Variants in UBE2U observed in about 807,000 individuals in gnomAD.
UBE2U encodes the protein ubiquitin-conjugating enzyme E2 U.
UBE2U carries 39 observed loss-of-function variants against 41.2 expected under a neutral mutation model. The ratio of observed to expected loss-of-function variants is 0.95; its 90% CI spans 0.73 to 1.24. The LOEUF (loss-of-function observed/expected upper bound fraction) is 1.24, where lower values mean the gene tolerates loss of function less well. Ranked by LOEUF, UBE2U falls within the 50% of genes most tolerant of loss-of-function variation. The pLI, the probability that UBE2U is intolerant of heterozygous loss-of-function variation, is 0.00. For missense variants in UBE2U, 336 were observed against 363.1 expected, an observed-to-expected ratio of 0.93 and a Z score of 0.61; for synonymous variants, 107 against 117.8, an observed-to-expected ratio of 0.91 and a Z score of 0.60.
intron 9 of UBE2U, among the ~76,000 whole-genome samples, chr1:64,265,318 G>T (rs1645239883): frequency 6.6e-6 from 1 of 152,134 alleles, no homozygotes; most frequent in South Asian, 2.1e-4. Flanking sequence ...GGTTGACTTG[G>T]CTTTATATTT....
At chr1:64,264,946 G>A (rs1447972722) in intron 9 of UBE2U, among the ~76,000 whole-genome samples, 1 of 151,638 alleles carries the variant, frequency 6.6e-6, no homozygotes, top group Admixed American at 6.6e-5. Context: ...GTGAAACCCT[G>A]CCTCAAAAAA....
intron 9 of UBE2U, among the ~76,000 whole-genome samples, chr1:64,262,542 G>A (rs1268178668): frequency 6.6e-6 from 1 of 152,116 alleles, no homozygotes. Context: ...CCTGGCTTCT[G>A]GCTGGGTATA....
chr1:64,212,174 A>T (rs1056631283), intron 4 of UBE2U, among the ~76,000 whole-genome samples: 1 of 152,180 alleles, frequency 6.6e-6, no homozygotes, highest in Non-Finnish European at 1.5e-5. Context: ...CAAAAAATTT[A>T]AGGGAGTGAG....
At chr1:64,220,770 A>T in intron 5 of UBE2U, 89 bp from the exon 6 acceptor site, 1 of 984,468 alleles carries the variant, frequency 1.0e-6, no homozygotes. Context: ...CTTTATTACC[A>T]TTTTATTGAG....
intron 9 of UBE2U, 64 bp from the exon 10 acceptor site, chr1:64,266,960 T>C (rs1309550065): frequency 7.0e-7 from 1 of 1,435,128 alleles, no homozygotes; most frequent in Non-Finnish European, 9.4e-7. Context: ...CAGGAACACT[T>C]CTCTTTTTAT....
chr1:64,266,577 C>T (rs1387970953), intron 9 of UBE2U, among the ~76,000 whole-genome samples: 1 of 152,188 alleles, frequency 6.6e-6, no homozygotes, highest in East Asian at 1.9e-4. Context: ...CACCCCTAAC[C>T]CTGTCAAGTC....
At chr1:64,255,822 C>G (rs889505726) in intron 8 of UBE2U, among the ~76,000 whole-genome samples, 1 of 151,854 alleles carries the variant, frequency 6.6e-6, no homozygotes, top group Non-Finnish European at 1.5e-5. Context: ...AGGGAGTTAT[C>G]TTCAAATTAT....
intron 5 of UBE2U, 106 bp downstream of exon 5, chr1:64,215,038 G>T (rs1651905123): frequency 1.3e-6 from 1 of 761,942 alleles, no homozygotes; most frequent in African/African-American, 1.7e-5. Flanking sequence ...TTCGAGACCA[G>T]CCTGACCAAC....
Position 64,242,924 on chromosome 1 carries a change from T to A in UBE2U, c.677+1191T>A, listed in dbSNP as rs116524235. Among the ~76,000 whole-genome samples, 438 of 152,314 alleles carry A rather than the reference T, an allele frequency of 2.9e-3. 2 individuals carry two copies. Among genetic ancestry groups the A allele is most frequent in the African/African-American group, 9.9e-3 (413 of 41,574 alleles). Reference sequence around the variant, plus strand: ...TGACGTGACTTCCTTTTTTATTTCCTTTAACAGAACTGTTTTATTTGTTTG... The same window carrying A: ...TGACGTGACTTCCTTTTTTATTTCCATTAACAGAACTGTTTTATTTGTTTG... On this transcript the variant is annotated intron_variant, in intron 8 of 9. Coordinates refer to ENST00000371077, the MANE Select transcript of UBE2U (RefSeq NM_001366232.2).
At chr1:64,206,163 A>G (rs536231083) in intron 2 of UBE2U, among the ~76,000 whole-genome samples, 9 of 152,334 alleles carry the variant, frequency 5.9e-5, no homozygotes, top group African/African-American at 2.2e-4. Flanking sequence ...CTAAGCCACT[A>G]TAAACTTTAA....
chr1:64,206,667 A>G, intron 2 of UBE2U, 97 bp from the exon 3 acceptor site: 1 of 717,664 alleles, frequency 1.4e-6, no homozygotes, highest in South Asian at 2.0e-5. Context: ...AAAACTGTGG[A>G]AAGACTAAAC....
intron 1 of UBE2U, 142 bp downstream of exon 1, chr1:64,204,258 C>A: frequency 1.6e-6 from 1 of 613,282 alleles, no homozygotes; most frequent in Non-Finnish European, 2.8e-6. Flanking sequence ...ATCCATTTCA[C>A]TGAAGTAATG....
chr1:64,253,580 C>CA (rs1302675738), intron 8 of UBE2U, among the ~76,000 whole-genome samples: 1 of 151,972 alleles, frequency 6.6e-6, no homozygotes, highest in Non-Finnish European at 1.5e-5. Flanking sequence ...AGAAACCCTA[C>CA]AAACTGGAAG....
chr1:64,203,729 C>T lies in UBE2U; in HGVS notation c.-322C>T, dbSNP rs892131681. On this transcript the variant is annotated 5_prime_UTR_variant, in exon 1 of 10. Coordinates refer to ENST00000371077, the MANE Select transcript of UBE2U (RefSeq NM_001366232.2). ...ACACCTCTCACTCCCACTCACGCGC[C>T]GACGACATGGGCTTGTCTCCGTTAC... The T allele has an allele frequency of 4.1e-6, 1 of 246,646 alleles. No individual in the cohort carries two copies. The highest frequency in any genetic ancestry group is 7.7e-6 in the Non-Finnish European group (1 of 129,324). 15.3% of individuals were successfully genotyped at this position (246,646 alleles called of 1,614,324 possible).
At chr1:64,219,221 T>C (rs562767940) in intron 5 of UBE2U, among the ~76,000 whole-genome samples, 1 of 152,344 alleles carries the variant, frequency 6.6e-6, no homozygotes, top group South Asian at 2.1e-4. Flanking sequence ...TAGTTTTCTT[T>C]CCAAATCGTA....
At position 64,236,667 on chromosome 1, in the gene UBE2U, ATGTT is replaced by A. The variant is rs1644673580; in HGVS notation, c.595+4025_595+4028del. On this transcript the variant is annotated intron_variant, in intron 7 of 9. Transcript: ENST00000371077. ...TTTAATACTGAGCCTAGGCTTCCTG[ATGTT>A]TGTTTGCTGTCATCAAGACAGACCA... is the stretch of plus-strand genomic sequence containing the variant. Among the ~76,000 whole-genome samples, 9 of 152,282 alleles carry A rather than the reference ATGTT, an allele frequency of 5.9e-5. No homozygotes were observed. The South Asian group carries it at 1.9e-3, about 32-fold the overall frequency.
Position 64,233,738 on chromosome 1 carries a change from A to G in UBE2U, c.595+1089A>G, listed in dbSNP as rs141459966. ...CTGGACAACTTTCCGGTTCCATTTA[A>G]CTGGATCTTTAGAGTACTATTTCAT... On this transcript the variant is annotated intron_variant, in intron 7 of 9. Coordinates refer to ENST00000371077, the MANE Select transcript of UBE2U (RefSeq NM_001366232.2). Among the ~76,000 whole-genome samples the G allele has an allele frequency of 1.2e-3, 190 of 152,296 alleles. 3 individuals carry two copies. The highest frequency in any genetic ancestry group is 0.01 in the Admixed American group (153 of 15,288).
chr1:64,235,884 G>T (rs2100411558), intron 7 of UBE2U, among the ~76,000 whole-genome samples: 1 of 152,138 alleles, frequency 6.6e-6, no homozygotes, highest in East Asian at 1.9e-4. Context: ...TATATGTCGT[G>T]CACGGTGGTA....
intron 3 of UBE2U, among the ~76,000 whole-genome samples, chr1:64,209,319 C>CT (rs897048973): frequency 2.0e-5 from 3 of 151,404 alleles, no homozygotes; most frequent in African/African-American, 2.4e-5. Flanking sequence ...TGTGACTGCT[C>CT]TTTTTTTTTC....
Sources: allele counts gnomAD v4.1 joint callset (sites outside exome capture counted in the v4.1 genomes callset), GRCh38; gene constraint gnomAD v4.1.1; transcripts MANE v1.5; gene names NCBI Gene and HGNC (gene_info 2026-07-23, HGNC 2026-07-21).